ALCAM: variants seen among roughly 807,000 people sequenced by gnomAD.
ALCAM encodes the protein activated leukocyte cell adhesion molecule.
ALCAM carries 30 observed loss-of-function variants against 70.9 expected under a neutral mutation model. The observed-to-expected ratio is 0.42, with a 90% confidence interval of 0.32 to 0.57. The LOEUF (loss-of-function observed/expected upper bound fraction) is 0.57. Among genes scored for constraint, ALCAM ranks in the 20% least tolerant of loss-of-function variants. ALCAM has a pLI of 0.11. For missense variants in ALCAM, 591 were observed against 695.1 expected, an observed-to-expected ratio of 0.85 and a Z score of 1.68; for synonymous variants, 249 against 242.5, an observed-to-expected ratio of 1.03 and a Z score of -0.25.
chr3:105,556,289 G>T (rs148515798), intron 14 of ALCAM, among the ~76,000 whole-genome samples: 1 of 151,988 alleles, frequency 6.6e-6, no homozygotes, highest in African/African-American at 2.4e-5. Flanking sequence ...TTCAAGGTTG[G>T]TTGTATTTAA....
At chr3:105,450,339 C>G (rs1017589996) in intron 1 of ALCAM, among the ~76,000 whole-genome samples, 23 of 152,174 alleles carry the variant, frequency 1.5e-4, no homozygotes, top group Admixed American at 1.3e-4. Flanking sequence ...CTCTCCAGAG[C>G]AGGGACGTTT....
chr3:105,369,844 A>C (rs1179204130), intron 1 of ALCAM, among the ~76,000 whole-genome samples: 1 of 152,114 alleles, frequency 6.6e-6, no homozygotes, highest in African/African-American at 2.4e-5. Context: ...TTTTGAAAGG[A>C]GGAGAAAAAT....
intron 1 of ALCAM, among the ~76,000 whole-genome samples, chr3:105,412,676 A>T (rs2107397582): frequency 6.6e-6 from 1 of 152,214 alleles, no homozygotes; most frequent in Non-Finnish European, 1.5e-5. Flanking sequence ...ACTTACATTG[A>T]GCCCCAGAAG....
At chr3:105,566,187 G>C (rs955461035) in intron 14 of ALCAM, among the ~76,000 whole-genome samples, 1 of 152,180 alleles carries the variant, frequency 6.6e-6, no homozygotes, top group Non-Finnish European at 1.5e-5. Context: ...ATTCAAGAGA[G>C]GTCCTGGAAC....
At chr3:105,571,692 T>C (rs1339208326) in intron 14 of ALCAM, among the ~76,000 whole-genome samples, 160 bp from the exon 15 acceptor site, 1 of 152,224 alleles carries the variant, frequency 6.6e-6, no homozygotes, top group Non-Finnish European at 1.5e-5. Context: ...TACAATGTGC[T>C]CCATTATCAG....
chr3:105,510,134 G>A (rs1939197177), intron 1 of ALCAM, among the ~76,000 whole-genome samples: 4 of 152,062 alleles, frequency 2.6e-5, no homozygotes, highest in Admixed American at 2.6e-4. Flanking sequence ...AAGAAAAAAT[G>A]AGGAAGAAGA....
intron 1 of ALCAM, among the ~76,000 whole-genome samples, chr3:105,380,678 G>A (rs1935495556): frequency 6.6e-6 from 1 of 151,804 alleles, no homozygotes; most frequent in African/African-American, 2.4e-5. Flanking sequence ...ACATTCTATA[G>A]AAAATTGTAT....
At chr3:105,566,991 T>C (rs1209327314) in intron 14 of ALCAM, among the ~76,000 whole-genome samples, 1 of 152,158 alleles carries the variant, frequency 6.6e-6, no homozygotes, top group Non-Finnish European at 1.5e-5. Flanking sequence ...AATATGTCTT[T>C]CTTTTGCCTT....
At chr3:105,435,158 A>C (rs1458724684) in intron 1 of ALCAM, among the ~76,000 whole-genome samples, 1 of 152,194 alleles carries the variant, frequency 6.6e-6, no homozygotes, top group African/African-American at 2.4e-5. Flanking sequence ...CACTTTCTAA[A>C]ATATGTATTT....
rs185907468 is a variant in ALCAM at position 105,456,481 on chromosome 3, C to T, written c.74-63586C>T. ...CAAAGCTTCCTTTCCTGCTGTTTTT[C>T]TATGTATTCCCAGAAAAAAATTCAT... is the stretch of plus-strand genomic sequence containing the variant. On this transcript the variant is annotated intron_variant, in intron 1 of 15. Transcript: ENST00000306107. Among the ~76,000 whole-genome samples the T allele has an allele frequency of 8.8e-4, 134 of 152,256 alleles. 1 individual carries two copies. Among genetic ancestry groups the T allele is most frequent in the Middle Eastern group, 3.4e-3 (1 of 294 alleles).
rs1341247692 is a variant in ALCAM at position 105,571,251 on chromosome 3, TTCA to T, written c.1665-600_1665-598del. The stretch of plus-strand genomic sequence containing the variant: ...CCCGAGAATTTGCATTTCTTGCAAG[TTCA>T]CAGGGGATGCTGATACTGCTGGTCT... On this transcript the variant is annotated intron_variant, in intron 14 of 15. Coordinates refer to ENST00000306107, the MANE Select transcript of ALCAM (RefSeq NM_001627.4). 7.2e-5 allele frequency among the ~76,000 whole-genome samples: 11 copies of T among 152,288 alleles called. No individual in the cohort carries two copies. In the East Asian group the frequency reaches 2.1e-3, roughly 29 times the overall value.
chr3:105,421,484 T>A (rs1340313652), intron 1 of ALCAM, among the ~76,000 whole-genome samples: 1 of 151,508 alleles, frequency 6.6e-6, no homozygotes, highest in Admixed American at 6.6e-5. Flanking sequence ...TCTCTATTTT[T>A]AAAAAAAGAA....
chr3:105,441,836 T>G (rs1937176971), intron 1 of ALCAM, among the ~76,000 whole-genome samples: 1 of 152,198 alleles, frequency 6.6e-6, no homozygotes, highest in Non-Finnish European at 1.5e-5. Context: ...ATTGGTATCT[T>G]AAGAATTTCA....
At chr3:105,383,733 A>T (rs924094458) in intron 1 of ALCAM, among the ~76,000 whole-genome samples, 1 of 151,726 alleles carries the variant, frequency 6.6e-6, no homozygotes, top group Non-Finnish European at 1.5e-5. Context: ...TATTGAACAT[A>T]GTCTGTTCAT....
At chr3:105,382,567 G>A (rs960374494) in intron 1 of ALCAM, among the ~76,000 whole-genome samples, 2 of 151,996 alleles carry the variant, frequency 1.3e-5, no homozygotes, top group African/African-American at 4.8e-5. Flanking sequence ...CAGTGTAAAA[G>A]TGTTCCTATT....
intron 1 of ALCAM, among the ~76,000 whole-genome samples, chr3:105,492,235 A>C (rs1416883682): frequency 6.6e-6 from 1 of 152,202 alleles, no homozygotes; most frequent in Non-Finnish European, 1.5e-5. Context: ...GTATGGAGGT[A>C]ACCGCCCCCA....
intron 3 of ALCAM, among the ~76,000 whole-genome samples, chr3:105,529,727 A>G (rs1471094136): frequency 3.3e-5 from 5 of 152,268 alleles, no homozygotes; most frequent in South Asian, 4.1e-4. Flanking sequence ...AAGGAATTTT[A>G]TAAAGCATTT....
At chr3:105,508,717 AT>A (rs1316185661) in intron 1 of ALCAM, among the ~76,000 whole-genome samples, 2 of 152,234 alleles carry the variant, frequency 1.3e-5, no homozygotes, top group East Asian at 3.9e-4. Flanking sequence ...CATAGTTATC[AT>A]TTTTTGTGTG....
At chr3:105,481,958 G>C (rs964438658) in intron 1 of ALCAM, among the ~76,000 whole-genome samples, 1 of 151,982 alleles carries the variant, frequency 6.6e-6, no homozygotes, top group African/African-American at 2.4e-5. Flanking sequence ...ATTATATCAG[G>C]TAATTTGAGA....
Sources: gnomAD v4.1 joint callset for allele counts (sites outside exome capture counted in the v4.1 genomes callset) on GRCh38, gnomAD v4.1.1 for gene constraint, MANE v1.5 for transcripts, NCBI Gene and HGNC (gene_info 2026-07-23, HGNC 2026-07-21) for gene names.